The following CSMD1 variants were observed in gnomAD, a reference collection of about 807,000 sequenced individuals.
CSMD1 encodes CUB and Sushi multiple domains 1.
A neutral mutation model predicts 417.5 loss-of-function variants in CSMD1; 213 were observed. The ratio of observed to expected loss-of-function variants is 0.51; its 90% CI spans 0.46 to 0.57. The LOEUF (loss-of-function observed/expected upper bound fraction) is 0.57, where lower values mean the gene tolerates loss of function less well. Ranked by LOEUF, CSMD1 falls within the 20% of genes least tolerant of loss-of-function variation. CSMD1 has a pLI of 0.00. For synonymous variants in CSMD1, 2,862 were observed against 1,736.8 expected (o/e 1.65, Z -16.11); for missense variants, 6,923 against 4,529.7 (o/e 1.53, Z -15.17).
chr8:3,536,396 G>A (rs955166302), intron 10 of CSMD1, among the ~76,000 whole-genome samples: 1 of 152,344 alleles, frequency 6.6e-6, no homozygotes, highest in Non-Finnish European at 1.5e-5. Flanking sequence ...TCTACTACGT[G>A]CAACTGTAGA....
At position 4,045,749 on chromosome 8, in the gene CSMD1, T is replaced by C. The variant is rs753391952; in HGVS notation, c.416-13650A>G. On this transcript the variant is annotated intron_variant, in intron 3 of 69. Transcript: ENST00000635120. Reference sequence around the variant, plus strand: ...ATAAAACGTGTGAACACCAGTGAACTGTGAAACACAAAGACTAAATTACAC... The same window carrying C: ...ATAAAACGTGTGAACACCAGTGAACCGTGAAACACAAAGACTAAATTACAC... 6.6e-4 allele frequency among the ~76,000 whole-genome samples: 100 copies of C among 152,200 alleles called. 3 individuals are homozygous for C. Among genetic ancestry groups the C allele is most frequent in the Admixed American group, 2.0e-4 (3 of 15,278 alleles).
At chr8:3,484,319 C>T (rs186189247) in intron 11 of CSMD1, among the ~76,000 whole-genome samples, 1 of 152,286 alleles carries the variant, frequency 6.6e-6, no homozygotes, top group Admixed American at 6.5e-5. Flanking sequence ...GGCAGAAAAG[C>T]AGTTCAATGG....
chr8:4,426,203 A>C (rs1797543959), intron 2 of CSMD1, among the ~76,000 whole-genome samples: 1 of 151,990 alleles, frequency 6.6e-6, no homozygotes, highest in African/African-American at 2.4e-5. Flanking sequence ...GTGAATTAAG[A>C]AGCCTTTTAT....
At chr8:4,813,715 T>C (rs1274931219) in intron 1 of CSMD1, among the ~76,000 whole-genome samples, 1 of 152,190 alleles carries the variant, frequency 6.6e-6, no homozygotes, top group Non-Finnish European at 1.5e-5. Flanking sequence ...TAATTCAAGA[T>C]GGAAACAGGA....
intron 3 of CSMD1, among the ~76,000 whole-genome samples, chr8:4,287,906 C>G (rs1047053485): frequency 1.3e-5 from 2 of 152,038 alleles, no homozygotes; most frequent in Non-Finnish European, 2.9e-5. Context: ...GCTCTTAAGC[C>G]ATCACATATC....
intron 26 of CSMD1, among the ~76,000 whole-genome samples, chr8:3,267,922 A>T (rs921277322): frequency 2.6e-5 from 4 of 152,200 alleles, no homozygotes; most frequent in African/African-American, 9.6e-5. Flanking sequence ...AGGGCAGCAG[A>T]GGGCAGAGCC....
intron 1 of CSMD1, among the ~76,000 whole-genome samples, chr8:4,770,225 C>G (rs368206692): frequency 4.1e-5 from 6 of 147,624 alleles, no homozygotes; most frequent in African/African-American, 1.5e-4. Flanking sequence ...ATATATATTC[C>G]TATATACATA....
intron 5 of CSMD1, among the ~76,000 whole-genome samples, chr8:3,880,727 T>C (rs1806150609): frequency 1.3e-5 from 2 of 152,158 alleles, no homozygotes; most frequent in Admixed American, 1.3e-4. Flanking sequence ...ATAAGCAAAA[T>C]ATATTAAAAT....
intron 3 of CSMD1, among the ~76,000 whole-genome samples, chr8:4,231,565 G>C (rs562196562): frequency 3.9e-5 from 6 of 152,244 alleles, no homozygotes; most frequent in African/African-American, 1.2e-4. Flanking sequence ...ACAACAGTTT[G>C]CATGTAACTA....
intron 5 of CSMD1, among the ~76,000 whole-genome samples, chr8:3,932,407 G>A (rs1306827153): frequency 6.7e-6 from 1 of 150,330 alleles, no homozygotes; most frequent in African/African-American, 2.5e-5. Flanking sequence ...TATGCCATCT[G>A]CATTGACATT....
At chr8:3,244,128 G>A (rs928051272) in intron 26 of CSMD1, among the ~76,000 whole-genome samples, 2 of 152,238 alleles carry the variant, frequency 1.3e-5, no homozygotes, top group Admixed American at 1.3e-4. Context: ...TAGACCCTCT[G>A]TCGTTCAACA....
intron 1 of CSMD1, among the ~76,000 whole-genome samples, chr8:4,663,125 A>T (rs1226222594): frequency 6.6e-6 from 1 of 152,186 alleles, no homozygotes; most frequent in Non-Finnish European, 1.5e-5. Flanking sequence ...TTAGGACGCC[A>T]CGGAGAAGGG....
chr8:4,229,970 G>A (rs755654282), intron 3 of CSMD1, among the ~76,000 whole-genome samples: 8 of 152,120 alleles, frequency 5.3e-5, no homozygotes, highest in Non-Finnish European at 1.2e-4. Context: ...ACGTCCTAAA[G>A]CCGACATTAT....
At chr8:4,680,294 C>T (rs987408149) in intron 1 of CSMD1, among the ~76,000 whole-genome samples, 7 of 152,086 alleles carry the variant, frequency 4.6e-5, no homozygotes, top group East Asian at 3.9e-4. Flanking sequence ...AAGGAAAATT[C>T]GACCGAAAAA....
At chr8:4,275,123 C>A (rs1224941103) in intron 3 of CSMD1, among the ~76,000 whole-genome samples, 1 of 152,102 alleles carries the variant, frequency 6.6e-6, no homozygotes, top group Non-Finnish European at 1.5e-5. Context: ...ATAAAGATAA[C>A]CAATGATAGT....
intron 5 of CSMD1, among the ~76,000 whole-genome samples, chr8:3,938,265 C>A (rs886182573): frequency 5.9e-5 from 9 of 152,048 alleles, no homozygotes; most frequent in African/African-American, 2.2e-4. Context: ...AAAATTAAAT[C>A]TACAGAGCAC....
At chr8:4,037,398 G>T (rs945347082) in intron 3 of CSMD1, among the ~76,000 whole-genome samples, 8 of 152,190 alleles carry the variant, frequency 5.3e-5, no homozygotes, top group African/African-American at 1.9e-4. Flanking sequence ...CAACAGCCCA[G>T]TGGCATTATA....
intron 26 of CSMD1, among the ~76,000 whole-genome samples, chr8:3,275,159 A>G (rs568730129): frequency 3.7e-4 from 56 of 152,232 alleles, no homozygotes; most frequent in African/African-American, 1.3e-3. Context: ...GCTTGTCTGT[A>G]AAGTATTTTA....
At chr8:3,895,887 C>G (rs1807324201) in intron 5 of CSMD1, among the ~76,000 whole-genome samples, 1 of 152,184 alleles carries the variant, frequency 6.6e-6, no homozygotes, top group Non-Finnish European at 1.5e-5. Flanking sequence ...TAACCTCATC[C>G]CCTGAAACTC....
Sources: gnomAD v4.1 joint callset for allele counts (sites outside exome capture counted in the v4.1 genomes callset) on GRCh38, gnomAD v4.1.1 for gene constraint, MANE v1.5 for transcripts, NCBI Gene and HGNC (gene_info 2026-07-23, HGNC 2026-07-21) for gene names.